Variants in C8orf34 observed in about 807,000 individuals in gnomAD.
C8orf34 encodes the protein chromosome 8 open reading frame 34.
A neutral mutation model predicts 68.3 loss-of-function variants in C8orf34; 65 were observed. That is an observed-to-expected ratio of 0.95 (90% CI 0.78 to 1.17). The LOEUF is 1.17. Among genes scored for constraint, C8orf34 ranks in the 50% most tolerant of loss-of-function variants. The pLI is 0.00. For synonymous variants in C8orf34, 244 were observed against 241.2 expected (o/e 1.01, Z -0.11); for missense variants, 664 against 655.4 (o/e 1.01, Z -0.14).
At chr8:68,674,186 C>T (rs1434900645) in intron 8 of C8orf34, among the ~76,000 whole-genome samples, 1 of 151,844 alleles carries the variant, frequency 6.6e-6, no homozygotes, top group Non-Finnish European at 1.5e-5. Flanking sequence ...CATATACAAA[C>T]AAGCCCAGAC....
At chr8:68,411,219 C>T (rs1364028856) in intron 1 of C8orf34, among the ~76,000 whole-genome samples, 1 of 152,178 alleles carries the variant, frequency 6.6e-6, no homozygotes, top group African/African-American at 2.4e-5. Context: ...AAGCCAATAT[C>T]TATTCAGCTT....
intron 8 of C8orf34, among the ~76,000 whole-genome samples, chr8:68,654,165 C>T (rs1013992633): frequency 2.0e-5 from 3 of 152,112 alleles, no homozygotes; most frequent in Admixed American, 2.0e-4. Flanking sequence ...TGCTTGCCCA[C>T]CCTTCCATGT....
At chr8:68,447,388 C>T (rs1387234078) in intron 3 of C8orf34, 2 of 152,186 alleles carry the variant, frequency 1.3e-5, no homozygotes, top group African/African-American at 2.4e-5. Flanking sequence ...TATCCCTTCT[C>T]TCTCAATGGC....
chr8:68,612,022 C>T (rs760238616), intron 7 of C8orf34, among the ~76,000 whole-genome samples: 4 of 152,092 alleles, frequency 2.6e-5, no homozygotes, highest in Non-Finnish European at 5.9e-5. Context: ...GAAAATCAAA[C>T]TTGTGAAAGA....
At chr8:68,471,053 G>A (rs2129630076) in intron 4 of C8orf34, among the ~76,000 whole-genome samples, 1 of 152,158 alleles carries the variant, frequency 6.6e-6, no homozygotes, top group African/African-American at 2.4e-5. Context: ...AAGAGATACA[G>A]GTATAGGACA....
intron 9 of C8orf34, among the ~76,000 whole-genome samples, chr8:68,712,810 A>G (rs1169352612): frequency 6.6e-6 from 1 of 152,002 alleles, no homozygotes; most frequent in Non-Finnish European, 1.5e-5. Context: ...ACAAAGAAAC[A>G]ATAGACCTAA....
intron 6 of C8orf34, chr8:68,525,883 A>C: frequency 3.4e-6 from 1 of 297,418 alleles, no homozygotes. Flanking sequence ...TGAGAATATC[A>C]ACCAAGACAT....
Position 68,665,692 on chromosome 8 carries a change from C to G in C8orf34, c.1241+25181C>G, listed in dbSNP as rs1402116828. Among the ~76,000 whole-genome samples, 4 of 152,318 alleles carry G rather than the reference C, an allele frequency of 2.6e-5. No homozygotes were observed. The East Asian group carries it at 7.7e-4, about 29-fold the overall frequency. On this transcript the variant is annotated intron_variant, in intron 8 of 13. Transcript: ENST00000518698. The stretch of plus-strand genomic sequence containing the variant: ...CTGTTTCTCCTGACTGATGTGGGCT[C>G]CACACAGACCTATTTATTCAGGTCC...
chr8:68,484,708 G>T (rs1315536928), intron 4 of C8orf34, among the ~76,000 whole-genome samples: 1 of 152,070 alleles, frequency 6.6e-6, no homozygotes, highest in Non-Finnish European at 1.5e-5. Context: ...AGTATAAATG[G>T]TTCCCATTAG....
At chr8:68,358,190 A>G (rs2129619225) in intron 1 of C8orf34, among the ~76,000 whole-genome samples, 1 of 152,236 alleles carries the variant, frequency 6.6e-6, no homozygotes, top group East Asian at 1.9e-4. Flanking sequence ...CTGTTGATCC[A>G]TGCTATAACT....
At chr8:68,369,015 A>G (rs1236045685) in intron 1 of C8orf34, among the ~76,000 whole-genome samples, 1 of 152,194 alleles carries the variant, frequency 6.6e-6, no homozygotes, top group African/African-American at 2.4e-5. Context: ...TAATGCAAGG[A>G]TTTTAGAGCG....
chr8:68,561,235 A>G (rs1816415337), intron 7 of C8orf34, among the ~76,000 whole-genome samples: 3 of 152,154 alleles, frequency 2.0e-5, no homozygotes, highest in South Asian at 2.1e-4. Context: ...TGCCAGCTTC[A>G]GCCTTCCAAA....
chr8:68,459,257 T>C (rs1811682480), intron 3 of C8orf34, among the ~76,000 whole-genome samples: 1 of 151,804 alleles, frequency 6.6e-6, no homozygotes, highest in African/African-American at 2.4e-5. Flanking sequence ...TGAGATGGAG[T>C]CTCACTCTGT....
At chr8:68,404,106 T>A (rs959156377) in intron 1 of C8orf34, among the ~76,000 whole-genome samples, 4 of 152,238 alleles carry the variant, frequency 2.6e-5, no homozygotes, top group African/African-American at 4.8e-5. Flanking sequence ...TGGTTTTGAT[T>A]TGCATTTCTC....
chr8:68,616,902 A>G (rs1818236248), intron 7 of C8orf34, among the ~76,000 whole-genome samples: 5 of 152,158 alleles, frequency 3.3e-5, no homozygotes, highest in Admixed American at 3.3e-4. Flanking sequence ...AAAGTCTCCC[A>G]TTATTATTGT....
At chr8:68,567,208 A>C (rs987980995) in intron 7 of C8orf34, among the ~76,000 whole-genome samples, 2 of 152,038 alleles carry the variant, frequency 1.3e-5, no homozygotes, top group African/African-American at 4.8e-5. Flanking sequence ...ATTGGTACCA[A>C]TTCTTCTTTG....
intron 7 of C8orf34, among the ~76,000 whole-genome samples, chr8:68,539,916 A>C (rs2129919300): frequency 6.7e-6 from 1 of 149,914 alleles, no homozygotes; most frequent in African/African-American, 2.5e-5. Flanking sequence ...TGGGCACAAA[A>C]CTTGTCAATT....
rs116342317 is a variant in C8orf34, at chr8:68,738,759, C to T, written c.1404+17322C>T. The stretch of plus-strand genomic sequence containing the variant: ...AGAAGAAATTGAATCTCTGTATAGA[C>T]CAATAACAAGCTCTGATATTGAATC... On this transcript the variant is annotated intron_variant, in intron 10 of 13. Transcript: ENST00000518698. 7.6e-3 allele frequency among the ~76,000 whole-genome samples: 1,157 copies of T among 152,164 alleles called. 18 individuals are homozygous for T. The highest frequency in any genetic ancestry group is 0.026 in the African/African-American group (1,097 of 41,522).
At chr8:68,730,897 A>G (rs1423003617) in intron 10 of C8orf34, among the ~76,000 whole-genome samples, 1 of 152,176 alleles carries the variant, frequency 6.6e-6, no homozygotes, top group Non-Finnish European at 1.5e-5. Flanking sequence ...ATGAGCAGAA[A>G]GGAAACTATA....
Sources: allele counts gnomAD v4.1 joint callset (sites outside exome capture counted in the v4.1 genomes callset), GRCh38; gene constraint gnomAD v4.1.1; transcripts MANE v1.5; gene names NCBI Gene and HGNC (gene_info 2026-07-23, HGNC 2026-07-21).